ZFYVE16: variants seen among roughly 807,000 people sequenced by gnomAD.
ZFYVE16 encodes zinc finger FYVE-type containing 16, also known as zinc finger FYVE domain-containing protein 16.
In ZFYVE16, 89 loss-of-function variants were observed where a neutral mutation model predicts 138.1. The observed-to-expected ratio is 0.64, with a 90% CI of 0.54 to 0.77. The LOEUF (loss-of-function observed/expected upper bound fraction) is 0.77, where lower values mean the gene tolerates loss of function less well. ZFYVE16 is among the 30% of genes least tolerant of loss of function. ZFYVE16 has a pLI of 0.00. For synonymous variants in ZFYVE16, 596 were observed against 618.3 expected (o/e 0.96, Z 0.53); for missense variants, 1,793 against 1,786.7 (o/e 1.00, Z -0.06).
In ZFYVE16 at chr5:80,438,733, C is replaced by T. The variant is rs775752938; in HGVS notation, c.2048C>T (p.Thr683Ile). The T allele has an allele frequency of 6.2e-7, 1 of 1,614,002 alleles. No individual in the cohort carries two copies. Among genetic ancestry groups the T allele is most frequent in the African/African-American group, 1.3e-5 (1 of 74,922 alleles). ...GAAAGTGAACCCAGCACAGCAGATACCGTTGTTCCAATCACTTGTGCTATA... is the reference window on the plus strand; with the variant it reads ...GAAAGTGAACCCAGCACAGCAGATATCGTTGTTCCAATCACTTGTGCTATA... The part of the protein sequence containing the change: ...TIESEPSTAD[T>I]VVPITCAIDS... Residue 683 changes from threonine (T) to isoleucine (I), a missense_variant, in exon 4 of 19, where the codon ACC becomes ATC. By Grantham distance (89) the Thr-to-Ile change is moderately conservative. This residue lies in a region of ZFYVE16 where 1,295 missense variants were observed against 1,204.3 expected (regional missense o/e 1.08). Transcript: ENST00000505560.
chr5:80,437,397 T>C lies in ZFYVE16; in HGVS notation c.712T>C (p.Ser238Pro), dbSNP rs769890037. Residue 238 changes from serine to proline, a missense_variant, in exon 4 of 19, where the codon TCA becomes CCA. This residue lies in a region of ZFYVE16 where 1,295 missense variants were observed against 1,204.3 expected (regional missense o/e 1.08). Transcript: ENST00000505560. ...TAAAAAGATCTTTAATCAGTTAGAATCAATTGTTGATTTTAACATGTCATC... is the reference window on the plus strand; with the variant it reads ...TAAAAAGATCTTTAATCAGTTAGAACCAATTGTTGATTTTAACATGTCATC... Reference protein sequence around the residue: ...KDKKIFNQLESIVDFNMSSAL... With the variant: ...KDKKIFNQLEPIVDFNMSSAL... The C allele has an allele frequency of 6.2e-7, 1 of 1,604,988 alleles. No homozygotes were observed. Among genetic ancestry groups the C allele is most frequent in the Non-Finnish European group, 8.5e-7 (1 of 1,177,122 alleles).
At chr5:80,467,310 C>T (rs1753845926) in intron 15 of ZFYVE16, among the ~76,000 whole-genome samples, 1 of 152,138 alleles carries the variant, frequency 6.6e-6, no homozygotes, top group Non-Finnish European at 1.5e-5. Flanking sequence ...TACAAATGCC[C>T]AGGAAAGACC....
At position 80,437,477 on chromosome 5, in the gene ZFYVE16, C is replaced by T; in HGVS notation, c.792C>T (p.His264=). The change falls in exon 4 of 19, where the codon CAC becomes CAT. Residue 264 remains histidine (H), a synonymous_variant. Transcript: ENST00000505560. ...TTCATGCCAAAGACAAGCTACAACA[C>T]AAGAGCCAGCCATGTGGATTACTAA... The part of the protein sequence containing the change: ...KMFHAKDKLQ[H]KSQPCGLLKD... 6.2e-7 allele frequency: 1 copy of T among 1,608,598 alleles called. No homozygotes were observed.
At position 80,438,400 on chromosome 5, in the gene ZFYVE16, G is replaced by GA; in HGVS notation, c.1718dup (p.Asn573LysfsTer4). 1 of 1,613,838 alleles carries GA rather than the reference G, an allele frequency of 6.2e-7. No individual in the cohort carries two copies. Among genetic ancestry groups the GA allele is most frequent in the Non-Finnish European group, 8.5e-7 (1 of 1,179,878 alleles). On this transcript the variant is annotated frameshift_variant, in exon 4 of 19. Coordinates refer to ENST00000505560, the MANE Select transcript of ZFYVE16 (RefSeq NM_001284236.3). LOFTEE classifies it high-confidence loss of function. ...ATAGATATGAAAGGCTTAGATGATG[G>GA]AAACATCAATAATATATATTTCAAT... is the stretch of plus-strand genomic sequence containing the variant.
chr5:80,418,519 G>C (rs1164523345), intron 1 of ZFYVE16, among the ~76,000 whole-genome samples: 1 of 151,874 alleles, frequency 6.6e-6, no homozygotes, highest in Non-Finnish European at 1.5e-5. Flanking sequence ...TCTCTATGTT[G>C]CCCAGGCTGG....
At chr5:80,468,073 T>G (rs1753922476) in intron 15 of ZFYVE16, among the ~76,000 whole-genome samples, 1 of 152,202 alleles carries the variant, frequency 6.6e-6, no homozygotes, top group Non-Finnish European at 1.5e-5. Flanking sequence ...TTTATTCTTC[T>G]TTTCAGTAGT....
rs776476709 is a variant in ZFYVE16, at chr5:80,455,689, T to C, written c.3608-3T>C. On this transcript the variant is annotated splice_region_variant and splice_polypyrimidine_tract_variant and intron_variant, in intron 11 of 18. Transcript: ENST00000505560. ...GTAACCAGTTTTCCTTTCTTATGTA[T>C]AGCATATCCTGCTCCTCTAACAAGC... The C allele has an allele frequency of 1.5e-5, 24 of 1,605,356 alleles. No homozygotes were observed. The highest frequency in any genetic ancestry group is 2.0e-5 in the Non-Finnish European group (23 of 1,177,426).
rs552980876 is a variant in ZFYVE16 at position 80,480,125 on chromosome 5, A to G, written c.*2748A>G. On this transcript the variant is annotated 3_prime_UTR_variant, in exon 19 of 19. Transcript: ENST00000505560. ...AAAAGTAGTCATATAAGGAAACTAG[A>G]TTCCAGAGGCAAGAATTACTTGAAG... is the stretch of plus-strand genomic sequence containing the variant. Among the ~76,000 whole-genome samples the G allele has an allele frequency of 1.3e-5, 2 of 150,420 alleles. No homozygotes were observed. The highest frequency in any genetic ancestry group is 5.0e-5 in the African/African-American group (2 of 39,790).
intron 9 of ZFYVE16, 85 bp downstream of exon 9, chr5:80,449,798 C>T (rs778263454): frequency 1.4e-6 from 2 of 1,399,770 alleles, no homozygotes; most frequent in Non-Finnish European, 1.9e-6. Context: ...TTTGACTGGC[C>T]ATGGTGAAAA....
At position 80,479,850 on chromosome 5, in the gene ZFYVE16, G is replaced by T. The variant is rs1755198926; in HGVS notation, c.*2473G>T. On this transcript the variant is annotated 3_prime_UTR_variant, in exon 19 of 19. Transcript: ENST00000505560. ...GGAGACCCTCCACACAATAGGCTGA[G>T]ACTCCCAAATACTTTCACCTTTAGG... is the stretch of plus-strand genomic sequence containing the variant. Among the ~76,000 whole-genome samples the T allele has an allele frequency of 6.6e-6, 1 of 152,118 alleles. No homozygotes were observed. Among genetic ancestry groups the T allele is most frequent in the Non-Finnish European group, 1.5e-5 (1 of 68,002 alleles).
chr5:80,416,534 C>T (rs913022967), intron 1 of ZFYVE16, among the ~76,000 whole-genome samples: 1 of 148,306 alleles, frequency 6.7e-6, no homozygotes, highest in African/African-American at 2.5e-5. Context: ...GGATTACAGG[C>T]GAGAGACACT....
chr5:80,423,815 G>A (rs982594358), intron 1 of ZFYVE16, among the ~76,000 whole-genome samples: 1 of 152,104 alleles, frequency 6.6e-6, no homozygotes, highest in Non-Finnish European at 1.5e-5. Context: ...TGGGATTACA[G>A]GCGTGAGCCA....
chr5:80,419,612 C>T (rs917183972), intron 1 of ZFYVE16, among the ~76,000 whole-genome samples: 1 of 151,584 alleles, frequency 6.6e-6, no homozygotes, highest in African/African-American at 2.4e-5. Flanking sequence ...CTCTTGACCT[C>T]ATGATCCGCC....
At chr5:80,459,936 C>T (rs534061018) in intron 15 of ZFYVE16, among the ~76,000 whole-genome samples, 1 of 152,234 alleles carries the variant, frequency 6.6e-6, no homozygotes, top group East Asian at 1.9e-4. Flanking sequence ...ACAATGTATT[C>T]ATCTCCTGAT....
rs571239923 is a variant in ZFYVE16 at position 80,410,953 on chromosome 5, A to T, written c.-94+2800A>T. ...ACAAGAGCACATGCCTTTTTTTTTTAAATTTATTTTATTTTTATTGATTTA... is the reference window on the plus strand; with the variant it reads ...ACAAGAGCACATGCCTTTTTTTTTTTAATTTATTTTATTTTTATTGATTTA... On this transcript the variant is annotated intron_variant, in intron 1 of 18. Coordinates refer to ENST00000505560, the MANE Select transcript of ZFYVE16 (RefSeq NM_001284236.3). 8.0e-4 allele frequency among the ~76,000 whole-genome samples: 119 copies of T among 148,738 alleles called. 1 individual carries two copies. The East Asian group carries it at 0.011, about 14-fold the overall frequency.
chr5:80,471,778 TTA>T (rs1288712312), intron 15 of ZFYVE16, among the ~76,000 whole-genome samples: 1 of 152,222 alleles, frequency 6.6e-6, no homozygotes, highest in East Asian at 1.9e-4. Flanking sequence ...GAAGGTTTGT[TTA>T]TGTTTTAGTA....
Position 80,446,597 on chromosome 5 carries a change from C to T in ZFYVE16, c.2724+1192C>T, listed in dbSNP as rs866816929. On this transcript the variant is annotated intron_variant, in intron 7 of 18. Transcript: ENST00000505560. ...TTATATGAAAAAAATTCTAGGACCT[C>T]ACCAATTCCCTGAAAGTGTCTTGGG... is the stretch of plus-strand genomic sequence containing the variant. Among the ~76,000 whole-genome samples, 4 of 152,220 alleles carry T rather than the reference C, an allele frequency of 2.6e-5. No individual in the cohort carries two copies. In the Middle Eastern group the frequency reaches 0.014, roughly 518 times the overall value.
chr5:80,450,905 G>A (rs891584556), intron 10 of ZFYVE16, among the ~76,000 whole-genome samples: 11 of 150,664 alleles, frequency 7.3e-5, no homozygotes, highest in African/African-American at 4.9e-5. Flanking sequence ...TCTGCTTCCC[G>A]GGTTCAAGCG....
chr5:80,473,801 A>T lies in ZFYVE16; in HGVS notation c.4235A>T (p.Glu1412Val). The change falls in exon 17 of 19, where the codon GAA becomes GTA. Residue 1412 changes from glutamate (E) to valine (V), a missense_variant. Coordinates refer to ENST00000505560, the MANE Select transcript of ZFYVE16 (RefSeq NM_001284236.3). ...ATATCATTACAAGGATTTCCAAGTG[A>T]AAAAATAAAACTGGAAGCAGATTTT... ...DGISLQGFPS[E>V]KIKLEADFET... is the part of the protein sequence containing the mutation. 1 of 1,613,318 alleles carries T rather than the reference A, an allele frequency of 6.2e-7. No individual in the cohort carries two copies.
Sources: allele counts gnomAD v4.1 joint callset (sites outside exome capture counted in the v4.1 genomes callset), GRCh38; gene constraint gnomAD v4.1.1; regional missense constraint gnomAD v4.1.1; transcripts MANE v1.5; gene names NCBI Gene and HGNC (gene_info 2026-07-23, HGNC 2026-07-21).